Variants in PIK3C2G observed in about 807,000 individuals in gnomAD.
PIK3C2G encodes phosphatidylinositol 3-kinase C2 domain-containing subunit gamma.
PIK3C2G carries 168 observed loss-of-function variants against 181.1 expected under a neutral mutation model. The ratio of observed to expected loss-of-function variants is 0.93; its 90% confidence interval spans 0.82 to 1.05. PIK3C2G has a LOEUF of 1.05. Ranked by LOEUF, PIK3C2G falls within the 50% of genes least tolerant of loss-of-function variation. PIK3C2G has a pLI of 0.00. For missense variants in PIK3C2G, 1,869 were observed against 1,732.8 expected, an observed-to-expected ratio of 1.08 and a Z score of -1.40; for synonymous variants, 573 against 592.2, an observed-to-expected ratio of 0.97 and a Z score of 0.47.
chr12:18,505,317 G>A lies in PIK3C2G; in HGVS notation c.3179G>A (p.Cys1060Tyr), dbSNP rs771440899. 2 of 1,608,920 alleles carry A rather than the reference G, an allele frequency of 1.2e-6. No homozygotes were observed. Among genetic ancestry groups the A allele is most frequent in the Non-Finnish European group, 1.7e-6 (2 of 1,177,258 alleles). ...GCCTTGAGGAACTTTTTCTACTCCT[G>A]TGCTGGCTGGTGTGTGGTAACATTC... The part of the protein sequence containing the change: ...EKALRNFFYS[C>Y]AGWCVVTFIL... The change falls in exon 24 of 33, where the codon TGT becomes TAT. Residue 1060 changes from cysteine to tyrosine, a missense_variant. Transcript: ENST00000538779.
At chr12:18,454,118 T>C (rs1947507006) in intron 18 of PIK3C2G, among the ~76,000 whole-genome samples, 1 of 152,204 alleles carries the variant, frequency 6.6e-6, no homozygotes, top group South Asian at 2.1e-4. Flanking sequence ...TCAGCAGTTA[T>C]TTAATGAATG....
At chr12:18,468,824 T>C (rs1938169439) in intron 18 of PIK3C2G, among the ~76,000 whole-genome samples, 1 of 152,106 alleles carries the variant, frequency 6.6e-6, no homozygotes, top group South Asian at 2.1e-4. Context: ...AATCCTATCC[T>C]TATTGCTGTG....
chr12:18,270,668 A>G (rs567455893), intron 1 of PIK3C2G, among the ~76,000 whole-genome samples: 2 of 152,280 alleles, frequency 1.3e-5, no homozygotes, highest in East Asian at 3.9e-4. Flanking sequence ...AAAACAGTCT[A>G]TTGTGGGTAC....
At chr12:18,614,719 A>G (rs1421117262) in intron 31 of PIK3C2G, among the ~76,000 whole-genome samples, 1 of 152,152 alleles carries the variant, frequency 6.6e-6, no homozygotes, top group African/African-American at 2.4e-5. Flanking sequence ...CAAAGATAAT[A>G]TGAATTACTA....
downstream of PIK3C2G, among the ~76,000 whole-genome samples, chr12:18,648,714 C>T (rs1950288132): frequency 6.6e-6 from 1 of 151,996 alleles, no homozygotes; most frequent in African/African-American, 2.4e-5. Flanking sequence ...TGAAACTCTC[C>T]CTTCTGATCA....
At chr12:18,696,219 G>T in the PIK3C2G span, 1 of 1,599,066 alleles carries the variant, frequency 6.3e-7, no homozygotes, top group Non-Finnish European at 8.5e-7. Context: ...GTTGCTTTGG[G>T]ATATATTCTG....
intron 22 of PIK3C2G, among the ~76,000 whole-genome samples, chr12:18,500,692 G>A (rs186941557): frequency 1.3e-5 from 2 of 152,186 alleles, no homozygotes; most frequent in Non-Finnish European, 2.9e-5. Context: ...CAGACCACTC[G>A]GCTCTACCAA....
intron 1 of PIK3C2G, among the ~76,000 whole-genome samples, chr12:18,274,204 G>A (rs1379440893): frequency 6.6e-6 from 1 of 152,168 alleles, no homozygotes; most frequent in Non-Finnish European, 1.5e-5. Flanking sequence ...CACTGTTGGT[G>A]GGACTGTAAA....
At chr12:18,407,973 G>T (rs58881805) in intron 16 of PIK3C2G, among the ~76,000 whole-genome samples, 15,842 of 152,000 alleles carry the variant, frequency 0.1, 1,172 homozygotes, top group Admixed American at 0.26. Context: ...GACCAAGTTG[G>T]GCAAATTGGC....
chr12:18,391,068 A>G (rs908709151), intron 14 of PIK3C2G, 54 bp from the exon 15 acceptor site: 4 of 1,376,928 alleles, frequency 2.9e-6, no homozygotes, highest in African/African-American at 2.9e-5. Context: ...TATTAAATCA[A>G]TAATGTATTT....
intron 14 of PIK3C2G, among the ~76,000 whole-genome samples, chr12:18,382,746 CA>C (rs1283861199): frequency 2.0e-5 from 3 of 152,056 alleles, no homozygotes; most frequent in African/African-American, 7.2e-5. Context: ...CAGATATTGT[CA>C]AATGTGATTT....
At chr12:18,660,326 T>C in the PIK3C2G span, among the ~76,000 whole-genome samples, 1 of 152,220 alleles carries the variant, frequency 6.6e-6, no homozygotes, top group East Asian at 1.9e-4. Flanking sequence ...TGATATCTGA[T>C]TGATGCTCTG....
intron 18 of PIK3C2G, among the ~76,000 whole-genome samples, chr12:18,478,418 A>G (rs1318695572): frequency 3.9e-5 from 6 of 152,148 alleles, no homozygotes; most frequent in Non-Finnish European, 4.4e-5. Context: ...TAGGTTCGCA[A>G]ATGCAATCAG....
intron 31 of PIK3C2G, among the ~76,000 whole-genome samples, chr12:18,619,076 T>C (rs1223513156): frequency 6.6e-6 from 1 of 151,038 alleles, no homozygotes; most frequent in East Asian, 1.9e-4. Flanking sequence ...GACATAAATT[T>C]AATTATATTA....
chr12:18,393,542 C>T (rs895670732), intron 15 of PIK3C2G, among the ~76,000 whole-genome samples: 2 of 151,698 alleles, frequency 1.3e-5, no homozygotes, highest in Non-Finnish European at 2.9e-5. Context: ...GAAAAAAAAA[C>T]TTCTTGATGT....
chr12:18,575,630 A>T (rs966581481), intron 29 of PIK3C2G, among the ~76,000 whole-genome samples: 2 of 152,170 alleles, frequency 1.3e-5, no homozygotes, highest in African/African-American at 4.8e-5. Context: ...TACTCAACTA[A>T]TTCCAAGTGA....
Position 18,582,671 on chromosome 12 carries a change from G to C in PIK3C2G, c.4012-11823G>C, listed in dbSNP as rs993253386. ...ACCCACTGGCTGAGAATTTCAGTCA[G>C]TCACTACGGTAGCAGCATTACACCT... On this transcript the variant is annotated intron_variant, in intron 29 of 32. Transcript: ENST00000538779. Among the ~76,000 whole-genome samples, 7 of 152,308 alleles carry C rather than the reference G, an allele frequency of 4.6e-5. No individual in the cohort carries two copies. In the East Asian group the frequency reaches 1.4e-3, roughly 29 times the overall value.
chr12:18,557,855 A>G (rs567281199), intron 26 of PIK3C2G, among the ~76,000 whole-genome samples: 1 of 152,336 alleles, frequency 6.6e-6, no homozygotes, highest in African/African-American at 2.4e-5. Context: ...AATATGCAAG[A>G]CCAAACTAAA....
At position 18,496,070 on chromosome 12, in the gene PIK3C2G, A is replaced by T. The variant is rs550571226; in HGVS notation, c.2802A>T (p.Ser934=). ...CIKGIDHDAC[S]YFTSNALPLK... ...TTTTTCTTTTCCTATAGGCATGTTC[A>T]TATTTTACATCTAATGCTTTGCCAT... is the stretch of plus-strand genomic sequence containing the variant. The change falls in exon 21 of 33, where the codon TCA becomes TCT. Residue 934 remains serine, a synonymous_variant. Coordinates refer to ENST00000538779, the MANE Select transcript of PIK3C2G (RefSeq NM_001288772.2). 6.6e-7 allele frequency: 1 copy of T among 1,511,396 alleles called. No individual in the cohort carries two copies. The highest frequency in any genetic ancestry group is 1.4e-5 in the African/African-American group (1 of 71,386). 93.6% of individuals were successfully genotyped at this position (1,511,396 alleles called of 1,614,324 possible). A position where few individuals can be genotyped will look rare whatever the true frequency, so the allele number is the denominator to read the frequency against.
Sources: gnomAD v4.1 joint callset for allele counts (sites outside exome capture counted in the v4.1 genomes callset) on GRCh38, gnomAD v4.1.1 for gene constraint, MANE v1.5 for transcripts, NCBI Gene and HGNC (gene_info 2026-07-23, HGNC 2026-07-21) for gene names.